The following SNTG1 variants were observed in gnomAD, a reference collection of about 807,000 sequenced individuals.
The protein encoded by SNTG1 is gamma-1-syntrophin.
Under a neutral mutation model 74.7 loss-of-function variants are expected in SNTG1, and 39 were observed. The observed-to-expected ratio is 0.52, with a 90% CI of 0.40 to 0.68. The LOEUF (loss-of-function observed/expected upper bound fraction) is 0.68, where lower values mean the gene tolerates loss of function less well. Ranked by LOEUF, SNTG1 falls within the 30% of genes least tolerant of loss-of-function variation. The pLI is 0.00. For synonymous variants in SNTG1, 254 were observed against 217.1 expected (o/e 1.17, Z -1.49); for missense variants, 685 against 609.5 (o/e 1.12, Z -1.30).
intron 1 of SNTG1, among the ~76,000 whole-genome samples, chr8:49,953,526 C>T (rs180909888): frequency 1.4e-4 from 21 of 152,248 alleles, no homozygotes; most frequent in African/African-American, 4.6e-4. Flanking sequence ...AAGATGCCCA[C>T]AGAAGGTGCC....
At chr8:50,007,076 G>A (rs1340329460) in intron 1 of SNTG1, among the ~76,000 whole-genome samples, 2 of 151,996 alleles carry the variant, frequency 1.3e-5, no homozygotes, top group African/African-American at 2.4e-5. Context: ...GGGAAGGAGA[G>A]CACCACTTAT....
At chr8:50,769,765 A>C (rs927676580) in intron 18 of SNTG1, among the ~76,000 whole-genome samples, 9 of 152,100 alleles carry the variant, frequency 5.9e-5, no homozygotes, top group Admixed American at 2.6e-4. Flanking sequence ...ATTTAATATG[A>C]GAAGAACAGT....
intron 1 of SNTG1, among the ~76,000 whole-genome samples, chr8:50,099,252 T>C: frequency 6.6e-6 from 1 of 152,072 alleles, no homozygotes; most frequent in East Asian, 1.9e-4. Flanking sequence ...TTAGATAGTA[T>C]TTTAATTGTT....
Position 50,323,008 on chromosome 8 carries a change from C to T in SNTG1, c.-27-71204C>T, listed in dbSNP as rs146345153. On this transcript the variant is annotated intron_variant, in intron 2 of 18. Transcript: ENST00000642720. ...GCACATGCCTGCACTTCCAGCCACTCGGGGGGCTGAGGCAGGAGAATTGCT... is the reference window on the plus strand; with the variant it reads ...GCACATGCCTGCACTTCCAGCCACTTGGGGGGCTGAGGCAGGAGAATTGCT... Among the ~76,000 whole-genome samples, 378 of 150,356 alleles carry T rather than the reference C, an allele frequency of 2.5e-3. 1 individual carries two copies. The highest frequency in any genetic ancestry group is 8.9e-3 in the African/African-American group (364 of 41,004).
intron 1 of SNTG1, among the ~76,000 whole-genome samples, chr8:50,085,651 C>T (rs936342380): frequency 6.6e-6 from 1 of 152,196 alleles, no homozygotes; most frequent in Non-Finnish European, 1.5e-5. Context: ...GCACTGCATG[C>T]CTGTTCATAT....
intron 2 of SNTG1, among the ~76,000 whole-genome samples, chr8:50,218,422 G>T (rs1405502649): frequency 6.6e-6 from 1 of 151,974 alleles, no homozygotes; most frequent in Non-Finnish European, 1.5e-5. Context: ...TTGTGTGGTT[G>T]TTATATATTT....
At chr8:50,297,299 G>C (rs2130627555) in intron 2 of SNTG1, among the ~76,000 whole-genome samples, 1 of 152,090 alleles carries the variant, frequency 6.6e-6, no homozygotes, top group South Asian at 2.1e-4. Context: ...AGTTAAATTA[G>C]GCAGAATAAG....
chr8:50,732,772 C>G (rs986032377), intron 17 of SNTG1, among the ~76,000 whole-genome samples: 1 of 151,752 alleles, frequency 6.6e-6, no homozygotes, highest in Admixed American at 6.6e-5. Context: ...TTTCAGTGAT[C>G]TTTACTAATA....
At position 50,131,602 on chromosome 8, in the gene SNTG1, G is replaced by T. The variant is rs548335507; in HGVS notation, c.-102-40959G>T. Among the ~76,000 whole-genome samples the T allele has an allele frequency of 5.9e-5, 9 of 152,174 alleles. No individual in the cohort carries two copies. The South Asian group carries it at 1.7e-3, about 28-fold the overall frequency. On this transcript the variant is annotated intron_variant, in intron 1 of 18. Coordinates refer to ENST00000642720, the MANE Select transcript of SNTG1 (RefSeq NM_018967.5). ...TTATTTGTTGTTAGATGTCTAGGTT[G>T]TTTTCATATCTTGGCTATTGTGAAT...
At chr8:49,969,838 A>G (rs1392304207) in intron 1 of SNTG1, among the ~76,000 whole-genome samples, 8 of 151,688 alleles carry the variant, frequency 5.3e-5, no homozygotes, top group Non-Finnish European at 8.8e-5. Context: ...AAAAGTTGCT[A>G]TTTCTTCTTC....
chr8:50,739,700 A>G (rs1337342276), intron 17 of SNTG1, among the ~76,000 whole-genome samples: 3 of 151,894 alleles, frequency 2.0e-5, no homozygotes, highest in Non-Finnish European at 2.9e-5. Flanking sequence ...AATAAATACA[A>G]CGTGGCGGCA....
At chr8:50,388,151 G>A (rs1360969952) in intron 2 of SNTG1, among the ~76,000 whole-genome samples, 8 of 152,158 alleles carry the variant, frequency 5.3e-5, no homozygotes, top group Admixed American at 1.3e-4. Context: ...ACAGGCATAT[G>A]CATTTTCAGG....
intron 10 of SNTG1, 66 bp downstream of exon 10, chr8:50,530,325 T>C (rs761186537): frequency 2.2e-5 from 31 of 1,421,082 alleles, no homozygotes; most frequent in Non-Finnish European, 2.8e-5. Context: ...AAACTGCTAG[T>C]GAATCTGATT....
intron 1 of SNTG1, among the ~76,000 whole-genome samples, chr8:49,927,898 C>T (rs1807176268): frequency 6.6e-6 from 1 of 151,796 alleles, no homozygotes; most frequent in African/African-American, 2.4e-5. Flanking sequence ...GGTCAGATCA[C>T]AAGGTCAGGA....
intron 2 of SNTG1, among the ~76,000 whole-genome samples, chr8:50,317,325 C>T (rs1483964631): frequency 6.6e-6 from 1 of 152,094 alleles, no homozygotes; most frequent in Non-Finnish European, 1.5e-5. Context: ...TTTCTGAAAT[C>T]ATGATTAACA....
chr8:50,427,502 C>A (rs2093178172), intron 4 of SNTG1, among the ~76,000 whole-genome samples: 1 of 152,108 alleles, frequency 6.6e-6, no homozygotes, highest in Non-Finnish European at 1.5e-5. Context: ...GATCATAGCT[C>A]ACCACAGCCT....
chr8:50,705,645 A>G (rs1420192840), intron 16 of SNTG1, among the ~76,000 whole-genome samples: 1 of 152,044 alleles, frequency 6.6e-6, no homozygotes, highest in Non-Finnish European at 1.5e-5. Context: ...GCACTAAATT[A>G]TAGGTTGTTT....
chr8:50,677,796 A>G (rs1288702049), intron 15 of SNTG1, among the ~76,000 whole-genome samples: 2 of 152,036 alleles, frequency 1.3e-5, no homozygotes, highest in African/African-American at 4.8e-5. Flanking sequence ...GATTTAGAAT[A>G]TATTTTTAAT....
At chr8:49,969,642 C>T (rs544944630) in intron 1 of SNTG1, among the ~76,000 whole-genome samples, 6 of 151,826 alleles carry the variant, frequency 4.0e-5, no homozygotes, top group South Asian at 2.1e-4. Flanking sequence ...GGTGATCCAC[C>T]GGCCTCGTTC....
Sources: gnomAD v4.1 joint callset for allele counts (sites outside exome capture counted in the v4.1 genomes callset) on GRCh38, gnomAD v4.1.1 for gene constraint, MANE v1.5 for transcripts, NCBI Gene and HGNC (gene_info 2026-07-23, HGNC 2026-07-21) for gene names.